The following CLEC2B variants were observed in gnomAD, a reference collection of about 807,000 sequenced individuals.
CLEC2B encodes the protein C-type lectin domain family 2 member B.
A neutral mutation model predicts 16.2 loss-of-function variants in CLEC2B; 14 were observed. The ratio of observed to expected loss-of-function variants is 0.86; its 90% confidence interval spans 0.57 to 1.35. The LOEUF (loss-of-function observed/expected upper bound fraction) is 1.35, where lower values mean the gene tolerates loss of function less well. Ranked by LOEUF, CLEC2B falls within the 40% of genes most tolerant of loss-of-function variation. The pLI is 0.00. For synonymous variants in CLEC2B, 42 were observed against 55.8 expected, an observed-to-expected ratio of 0.75 and a Z score of 1.10; for missense variants, 166 against 182.3, an observed-to-expected ratio of 0.91 and a Z score of 0.52.
At chr12:9,854,782 G>T in intron 3 of CLEC2B, 1 of 430,564 alleles carries the variant, frequency 2.3e-6, no homozygotes, top group Non-Finnish European at 4.1e-6. Flanking sequence ...AGAAAGACAA[G>T]TTTGAAATTG....
chr12:9,867,076 TG>T (rs1867975919), intron 1 of CLEC2B: 1 of 152,174 alleles, frequency 6.6e-6, no homozygotes, highest in Non-Finnish European at 1.5e-5. Flanking sequence ...GCTTTTGTTA[TG>T]AGTTCAGCAC....
At chr12:9,857,249 A>G (rs1867900378) in intron 3 of CLEC2B, 1 of 469,296 alleles carries the variant, frequency 2.1e-6, no homozygotes, top group South Asian at 2.6e-5. Context: ...ACTCTTTAAA[A>G]TATAAAGATA....
intron 3 of CLEC2B, among the ~76,000 whole-genome samples, chr12:9,855,976 T>C (rs890857424): frequency 6.6e-6 from 1 of 152,112 alleles, no homozygotes; most frequent in African/African-American, 2.4e-5. Flanking sequence ...TGCCAGTGTA[T>C]GTAGTATATA....
intron 1 of CLEC2B, among the ~76,000 whole-genome samples, chr12:9,864,568 G>C (rs1291257694): frequency 2.0e-5 from 3 of 152,140 alleles, no homozygotes; most frequent in African/African-American, 4.8e-5. Context: ...TGAGGGTGGA[G>C]TAAAAGTGTT....
intron 3 of CLEC2B, 122 bp from the exon 4 acceptor site, chr12:9,854,606 A>G: frequency 1.6e-6 from 1 of 616,626 alleles, no homozygotes; most frequent in Non-Finnish European, 2.9e-6. Flanking sequence ...TGGCCTCACT[A>G]GAAAATAGCT....
rs1002898275 is a variant in CLEC2B, at chr12:9,861,534, A to G, written c.73+965T>C. 2.6e-5 allele frequency among the ~76,000 whole-genome samples: 4 copies of G among 152,106 alleles called. No individual in the cohort carries two copies. The South Asian group carries it at 6.2e-4, about 24-fold the overall frequency. On this transcript the variant is annotated intron_variant, in intron 2 of 4. Coordinates refer to ENST00000228438, the MANE Select transcript of CLEC2B (RefSeq NM_005127.3). ...AATCTATGCGTATTCTGTGCTTAAT[A>G]ATTCTTCTTATATCTCAAGTTATTT...
At position 9,853,075 on chromosome 12, in the gene CLEC2B, A is replaced by AAG. The variant is rs1555123309; in HGVS notation, c.*223_*224dup. The stretch of plus-strand genomic sequence containing the variant: ...AGTTAAAAAAAGAAAGAAAGAAAGA[A>AAG]AGAAAGAAAGAGAGAGAGAGAAAGA... On this transcript the variant is annotated 3_prime_UTR_variant, in exon 5 of 5. Coordinates refer to ENST00000228438, the MANE Select transcript of CLEC2B (RefSeq NM_005127.3). 5.0e-6 allele frequency: 2 copies of AAG among 397,604 alleles called. No individual in the cohort carries two copies. Among genetic ancestry groups the AAG allele is most frequent in the Non-Finnish European group, 9.1e-6 (2 of 219,440 alleles). 24.6% of individuals were successfully genotyped at this position (397,604 alleles called of 1,614,324 possible). A position where few individuals can be genotyped will look rare whatever the true frequency, so the allele number is the denominator to read the frequency against.
intron 3 of CLEC2B, 72 bp from the exon 4 acceptor site, chr12:9,854,556 T>C: frequency 1.0e-6 from 1 of 999,402 alleles, no homozygotes; most frequent in Non-Finnish European, 1.6e-6. Context: ...ACCTCTTGTT[T>C]CGTAGGTTGT....
Position 9,862,567 on chromosome 12 carries a change from A to T in CLEC2B, c.5T>A (p.Met2Lys), listed in dbSNP as rs1347163527. The T allele has an allele frequency of 1.4e-6, 2 of 1,474,736 alleles. No individual in the cohort carries two copies. Among genetic ancestry groups the T allele is most frequent in the African/African-American group, 2.9e-5 (2 of 69,222 alleles). The allele number at this position is 1,474,736 out of a possible 1,614,324, so 91.4% of individuals were successfully genotyped here. The change falls in exon 2 of 5, where the codon ATG becomes AAG. Residue 2 changes from methionine to lysine, a missense_variant. Met to Lys is a moderately conservative substitution (Grantham distance 95, BLOSUM62 -1). Coordinates refer to ENST00000228438, the MANE Select transcript of CLEC2B (RefSeq NM_005127.3). The stretch of plus-strand genomic sequence containing the variant: ...TATAAAACACTTTTTATGTTTGGTC[A>T]TCATACCTGAAAAATAAAAATAAAG... M[M>K]TKHKKCFIIV...
intron 2 of CLEC2B, 73 bp from the exon 3 acceptor site, chr12:9,857,710 C>T: frequency 8.5e-7 from 1 of 1,181,244 alleles, no homozygotes; most frequent in Non-Finnish European, 1.2e-6. Flanking sequence ...GATCACTGGA[C>T]ACAGGTTTTT....
Position 9,866,050 on chromosome 12 carries a change from A to G in CLEC2B, c.-3+3155T>C, listed in dbSNP as rs78445769. On this transcript the variant is annotated intron_variant, in intron 1 of 4. Transcript: ENST00000228438. Reference sequence around the variant, plus strand: ...TAATAAATGCCTTTAAAAAAAGGTAAAAAGACTTCAGATAAATAACCTAAT... The same window carrying G: ...TAATAAATGCCTTTAAAAAAAGGTAGAAAGACTTCAGATAAATAACCTAAT... Among the ~76,000 whole-genome samples, 91 of 152,238 alleles carry G rather than the reference A, an allele frequency of 6.0e-4. 2 individuals carry two copies. In the East Asian group the frequency reaches 0.017, roughly 29 times the overall value.
At chr12:9,853,887 G>T (rs1021560666) in intron 4 of CLEC2B, among the ~76,000 whole-genome samples, 6 of 152,100 alleles carry the variant, frequency 3.9e-5, no homozygotes, top group African/African-American at 1.2e-4. Context: ...AAACTAAGTG[G>T]CTAAGTGACT....
Position 9,852,923 on chromosome 12 carries a change from G to A in CLEC2B, c.*377C>T. The A allele has an allele frequency of 5.4e-6, 1 of 186,482 alleles. No homozygotes were observed. Among genetic ancestry groups the A allele is most frequent in the Non-Finnish European group, 1.1e-5 (1 of 89,030 alleles). The allele number at this position is 186,482 out of a possible 1,614,324, so 11.6% of individuals were successfully genotyped here. ...CCATTTATGTCTTTGTGGACTCCCA[G>A]TTTCACATTTTGTTCAATAGGCCAT... is the stretch of plus-strand genomic sequence containing the variant. On this transcript the variant is annotated 3_prime_UTR_variant, in exon 5 of 5. Coordinates refer to ENST00000228438, the MANE Select transcript of CLEC2B (RefSeq NM_005127.3).
intron 2 of CLEC2B, among the ~76,000 whole-genome samples, chr12:9,859,390 A>C (rs540796880): frequency 9.2e-5 from 14 of 151,948 alleles, no homozygotes; most frequent in African/African-American, 3.4e-4. Context: ...ACCACTAGGA[A>C]AACTGATTTT....
chr12:9,857,098 A>C (rs1867899219), intron 3 of CLEC2B: 1 of 169,076 alleles, frequency 5.9e-6, no homozygotes, highest in Non-Finnish European at 1.3e-5. Context: ...GACAGGCAGC[A>C]AAACAAAATG....
chr12:9,853,245 G>C lies in CLEC2B; in HGVS notation c.*55C>G. On this transcript the variant is annotated 3_prime_UTR_variant, in exon 5 of 5. Transcript: ENST00000228438. ...TGTTTAATTAAAAAAGTACTTTGCT[G>C]GTTTTACACTTAATAATGTTATTTT... 2 of 1,357,534 alleles carry C rather than the reference G, an allele frequency of 1.5e-6. No individual in the cohort carries two copies. The highest frequency in any genetic ancestry group is 2.1e-6 in the Non-Finnish European group (2 of 956,592). 84.1% of individuals were successfully genotyped at this position (1,357,534 alleles called of 1,614,324 possible). A position where few individuals can be genotyped will look rare whatever the true frequency, so the allele number is the denominator to read the frequency against.
At chr12:9,866,646 G>C (rs1040174902) in intron 1 of CLEC2B, among the ~76,000 whole-genome samples, 1 of 152,026 alleles carries the variant, frequency 6.6e-6, no homozygotes, top group Admixed American at 6.6e-5. Flanking sequence ...GCAAGTGGAA[G>C]TATTTTTTGA....
At chr12:9,864,835 T>C (rs1437476233) in intron 1 of CLEC2B, among the ~76,000 whole-genome samples, 3 of 127,510 alleles carry the variant, frequency 2.4e-5, no homozygotes, top group Non-Finnish European at 5.2e-5. Flanking sequence ...CCCCAGAAAA[T>C]CCTTACTTAA....
intron 4 of CLEC2B, 29 bp from the exon 5 acceptor site, chr12:9,853,437 G>A: frequency 6.4e-7 from 1 of 1,569,122 alleles, no homozygotes. Context: ...CCATTATGTA[G>A]TCATGTGATT....
Sources: allele counts gnomAD v4.1 joint callset (sites outside exome capture counted in the v4.1 genomes callset), GRCh38; gene constraint gnomAD v4.1.1; transcripts MANE v1.5; gene names NCBI Gene and HGNC (gene_info 2026-07-23, HGNC 2026-07-21).